The following PCDH11X variants were observed in gnomAD, a reference collection of about 807,000 sequenced individuals.
The protein encoded by PCDH11X is protocadherin-11 X-linked.
A neutral mutation model predicts 53.3 loss-of-function variants in PCDH11X; 18 were observed. The ratio of observed to expected loss-of-function variants is 0.34; its 90% CI spans 0.23 to 0.50. The LOEUF is 0.50. Ranked by LOEUF, PCDH11X falls within the 20% of genes least tolerant of loss-of-function variation. The probability of loss-of-function intolerance (pLI) is 0.98; values close to 1 mark genes in which losing one functional copy is unlikely to be tolerated. For synonymous variants in PCDH11X, 279 were observed against 393.3 expected (o/e 0.71, Z 3.44); for missense variants, 570 against 1,032.4 (o/e 0.55, Z 6.14).
chrX:92,222,788 C>T (rs935048116), intron 7 of PCDH11X, among the ~76,000 whole-genome samples: 7 of 111,603 alleles, frequency 6.3e-5, no homozygotes, highest in African/African-American at 2.3e-4. Flanking sequence ...TTCCCCTCTC[C>T]TAGATTTCCC....
At chrX:91,836,528 G>A (rs1048653435) in intron 5 of PCDH11X, among the ~76,000 whole-genome samples, 2 of 109,022 alleles carry the variant, frequency 1.8e-5, no homozygotes, top group Middle Eastern at 4.7e-3. Context: ...TTTATTACTA[G>A]CATTTCTGAA....
At chrX:91,801,031 T>A (rs765366704) in intron 1 of PCDH11X, among the ~76,000 whole-genome samples, 18 of 107,078 alleles carry the variant, frequency 1.7e-4, no homozygotes, top group South Asian at 4.2e-4. Context: ...GTAAAAAAAA[T>A]TAGCTGGGTG....
At chrX:92,538,379 A>G (rs996023125) in intron 10 of PCDH11X, among the ~76,000 whole-genome samples, 27 of 108,415 alleles carry the variant, frequency 2.5e-4, no homozygotes, top group Non-Finnish European at 5.0e-4. Flanking sequence ...GTTATTATTG[A>G]CAACTAGAGA....
At chrX:92,131,947 G>A (rs1285242879) in intron 6 of PCDH11X, among the ~76,000 whole-genome samples, 1 of 108,401 alleles carries the variant, frequency 9.2e-6, no homozygotes, top group African/African-American at 3.4e-5. Flanking sequence ...TCCAGCCTTT[G>A]TATAAGGGCA....
chrX:91,835,403 G>A (rs1336746691), intron 4 of PCDH11X, 58 bp from the exon 5 acceptor site: 2 of 1,205,992 alleles, frequency 1.7e-6, no homozygotes, highest in Non-Finnish European at 2.2e-6. Flanking sequence ...TGCATGTTTA[G>A]GGTTGGCTTC....
intron 8 of PCDH11X, among the ~76,000 whole-genome samples, chrX:92,288,760 G>T (rs1489411061): frequency 1.8e-5 from 2 of 108,679 alleles, no homozygotes; most frequent in Non-Finnish European, 3.8e-5. Flanking sequence ...ATCTTGATGT[G>T]GTTTTTTTCA....
chrX:92,481,137 T>C (rs749148523), intron 10 of PCDH11X, among the ~76,000 whole-genome samples: 19 of 111,237 alleles, frequency 1.7e-4, no homozygotes, highest in African/African-American at 5.9e-4. Context: ...AGTTTCACTC[T>C]GGAAATAGCA....
chrX:92,222,144 ATT>A (rs67936112), intron 7 of PCDH11X, among the ~76,000 whole-genome samples: 1 of 105,214 alleles, frequency 9.5e-6, no homozygotes, highest in Non-Finnish European at 2.0e-5. Context: ...TCTTCAATAG[ATT>A]TTTTTTTTTA....
chrX:92,454,413 T>A (rs1479411179), intron 9 of PCDH11X, among the ~76,000 whole-genome samples: 14 of 110,294 alleles, frequency 1.3e-4, no homozygotes, highest in Admixed American at 3.9e-4. Flanking sequence ...TAATCAATAA[T>A]ATGTTTGGTT....
At chrX:91,847,701 A>G (rs929670286) in intron 5 of PCDH11X, among the ~76,000 whole-genome samples, 30 of 111,479 alleles carry the variant, frequency 2.7e-4, no homozygotes, top group African/African-American at 8.2e-4. Context: ...GCAAAAGACT[A>G]GCTTCTGAAG....
At chrX:92,535,388 G>A (rs1434699406) in intron 10 of PCDH11X, among the ~76,000 whole-genome samples, 7 of 111,116 alleles carry the variant, frequency 6.3e-5, no homozygotes, top group Non-Finnish European at 7.5e-5. Context: ...AGATGAAGCC[G>A]GAGGCCATTA....
chrX:92,507,263 A>G (rs1427978237), intron 10 of PCDH11X, among the ~76,000 whole-genome samples: 3 of 110,605 alleles, frequency 2.7e-5, no homozygotes, highest in African/African-American at 9.9e-5. Context: ...GTCTTCTGCT[A>G]GCTTTGGGGT....
chrX:92,063,063 A>G (rs1213566634), intron 6 of PCDH11X, among the ~76,000 whole-genome samples: 1 of 110,083 alleles, frequency 9.1e-6, no homozygotes, highest in East Asian at 2.9e-4. Context: ...GAAGCTGGAA[A>G]CCATCATTCT....
chrX:92,282,599 A>C (rs2068274363), intron 8 of PCDH11X, among the ~76,000 whole-genome samples: 1 of 111,799 alleles, frequency 8.9e-6, no homozygotes, highest in African/African-American at 3.2e-5. Context: ...GCAATGAATT[A>C]TGCTAAAATA....
intron 6 of PCDH11X, among the ~76,000 whole-genome samples, chrX:91,998,182 C>T (rs1438474885): frequency 2.7e-5 from 3 of 109,911 alleles, no homozygotes; most frequent in Non-Finnish European, 3.8e-5. Context: ...GATCTGCCCA[C>T]CTCGGCCTCC....
chrX:91,904,426 C>G (rs1284634784), intron 6 of PCDH11X, among the ~76,000 whole-genome samples: 58 of 109,954 alleles, frequency 5.3e-4, no homozygotes, highest in Non-Finnish European at 1.1e-3. Flanking sequence ...AGAGTTTCTT[C>G]AGCTATAATT....
At chrX:92,170,494 C>T (rs1420862847) in intron 6 of PCDH11X, among the ~76,000 whole-genome samples, 2 of 110,280 alleles carry the variant, frequency 1.8e-5, no homozygotes, top group Non-Finnish European at 3.8e-5. Context: ...AACCTTGTTC[C>T]AGGTATGGAG....
intron 7 of PCDH11X, among the ~76,000 whole-genome samples, chrX:92,228,297 A>G (rs1008250229): frequency 4.5e-5 from 5 of 111,950 alleles, no homozygotes; most frequent in African/African-American, 1.6e-4. Context: ...GTTCTCTGAC[A>G]TATACTTACA....
At chrX:92,593,462 T>C (rs900373806) in intron 10 of PCDH11X, among the ~76,000 whole-genome samples, 1 of 112,110 alleles carries the variant, frequency 8.9e-6, no homozygotes, top group African/African-American at 3.2e-5. Flanking sequence ...CAATTTTACA[T>C]GCATGTTGTG....
Sources: gnomAD v4.1 joint callset for allele counts (sites outside exome capture counted in the v4.1 genomes callset) on GRCh38, gnomAD v4.1.1 for gene constraint, MANE v1.5 for transcripts, NCBI Gene and HGNC (gene_info 2026-07-23, HGNC 2026-07-21) for gene names.